TMEM154: variants seen among roughly 807,000 people sequenced by gnomAD.
TMEM154 encodes transmembrane protein 154.
TMEM154 carries 27 observed loss-of-function variants against 24.5 expected under a neutral mutation model. The ratio of observed to expected loss-of-function variants is 1.10; its 90% CI spans 0.81 to 1.52. The LOEUF (loss-of-function observed/expected upper bound fraction) is 1.52, where lower values mean the gene tolerates loss of function less well. Ranked by LOEUF, TMEM154 falls within the 40% of genes most tolerant of loss-of-function variation. The probability of loss-of-function intolerance (pLI) is 0.00; values close to 1 mark genes in which losing one functional copy is unlikely to be tolerated. For synonymous variants in TMEM154, 67 were observed against 76.8 expected (o/e 0.87, Z 0.67); for missense variants, 228 against 213.4 (o/e 1.07, Z -0.43).
chr4:152,628,186 A>G lies in TMEM154; in HGVS notation c.*360T>C. 1 of 277,896 alleles carries G rather than the reference A, an allele frequency of 3.6e-6. No individual in the cohort carries two copies. Among genetic ancestry groups the G allele is most frequent in the East Asian group, 7.7e-5 (1 of 12,908 alleles). 17.2% of individuals were successfully genotyped at this position (277,896 alleles called of 1,614,324 possible). On this transcript the variant is annotated 3_prime_UTR_variant, in exon 7 of 7. Transcript: ENST00000304385. The stretch of plus-strand genomic sequence containing the variant: ...TTCCTGATTTAGGCCCTAAGGAATG[A>G]AGCAGAAAGGTGACGAACATTTATC...
chr4:152,671,794 C>G (rs1728845791), intron 1 of TMEM154, among the ~76,000 whole-genome samples: 1 of 149,238 alleles, frequency 6.7e-6, no homozygotes, highest in Non-Finnish European at 1.5e-5. Context: ...TAGGTGAGAG[C>G]CCACAGGAGT....
intron 6 of TMEM154, among the ~76,000 whole-genome samples, chr4:152,640,055 G>A (rs143484791): frequency 3.3e-4 from 51 of 152,316 alleles, no homozygotes; most frequent in Non-Finnish European, 6.3e-4. Context: ...ATTCCCTCGC[G>A]ATGCTCAGGC....
intron 1 of TMEM154, among the ~76,000 whole-genome samples, chr4:152,661,278 TTCTCTTTC>T (rs1160127842): frequency 5.0e-4 from 33 of 65,746 alleles, no homozygotes; most frequent in African/African-American, 1.7e-3. Context: ...CAAGGGATTG[TTCTCTTTC>T]TCTCTCTCTC....
Position 152,655,648 on chromosome 4 carries a change from G to A in TMEM154, c.65-2721C>T, listed in dbSNP as rs538906785. 1.2e-3 allele frequency among the ~76,000 whole-genome samples: 177 copies of A among 149,424 alleles called. 1 individual carries two copies. Among genetic ancestry groups the A allele is most frequent in the African/African-American group, 4.0e-3 (163 of 40,416 alleles). On this transcript the variant is annotated intron_variant, in intron 1 of 6. Transcript: ENST00000304385. ...CCTCCCCCCACCCCTGGCCAGCAGC[G>A]GGGCGCTCACACATGTTTATGTGCC... is the stretch of plus-strand genomic sequence containing the variant.
intron 1 of TMEM154, 143 bp from the exon 2 acceptor site, chr4:152,653,070 G>T: frequency 1.3e-6 from 1 of 777,378 alleles, no homozygotes; most frequent in Non-Finnish European, 2.0e-6. Flanking sequence ...GTGTGACACA[G>T]AACATTGATT....
At chr4:152,647,127 C>A (rs1027211707) in intron 3 of TMEM154, 79 of 1,457,208 alleles carry the variant, frequency 5.4e-5, no homozygotes, top group Non-Finnish European at 7.0e-5. Context: ...CAAGTCCTCT[C>A]CCATTGTCAA....
intron 6 of TMEM154, among the ~76,000 whole-genome samples, chr4:152,632,343 A>C (rs961569118): frequency 6.6e-6 from 1 of 152,198 alleles, no homozygotes; most frequent in Admixed American, 6.5e-5. Context: ...CTTGCTATGA[A>C]ATGTTAATTC....
intron 6 of TMEM154, among the ~76,000 whole-genome samples, chr4:152,629,432 G>A (rs539447620): frequency 3.9e-4 from 60 of 152,348 alleles, no homozygotes; most frequent in African/African-American, 1.3e-3. Context: ...ATTTGAACAT[G>A]ACCATGCTGT....
chr4:152,630,100 G>A (rs1752006416), intron 6 of TMEM154, among the ~76,000 whole-genome samples: 1 of 151,994 alleles, frequency 6.6e-6, no homozygotes, highest in African/African-American at 2.4e-5. Flanking sequence ...GATTGCTTGA[G>A]TCCAGGAGTT....
intron 6 of TMEM154, among the ~76,000 whole-genome samples, chr4:152,639,313 T>C (rs1266461377): frequency 6.6e-6 from 1 of 152,190 alleles, no homozygotes; most frequent in Non-Finnish European, 1.5e-5. Flanking sequence ...GCTTCTTCCA[T>C]GTTGCCAACA....
chr4:152,672,090 TAA>T (rs11290618), intron 1 of TMEM154, among the ~76,000 whole-genome samples: 3,734 of 101,958 alleles, frequency 0.037, 130 homozygotes, highest in African/African-American at 0.12. Context: ...CCTATCTCTA[TAA>T]AAAAAAAAAA....
intron 5 of TMEM154, 31 bp from the exon 6 acceptor site, chr4:152,641,016 A>T (rs1440255783): frequency 3.1e-6 from 5 of 1,594,378 alleles, no homozygotes; most frequent in Non-Finnish European, 4.3e-6. Context: ...ACTCATTGTT[A>T]GTTACTGAAA....
In TMEM154 at chr4:152,675,284, A is replaced by G. The variant is rs971062709; in HGVS notation, c.64+4586T>C. ...ATGTTTAAAATAATGACATAAAAGA[A>G]GGAATAAATAACACAAGGGAAAAAA... On this transcript the variant is annotated intron_variant, in intron 1 of 6. Transcript: ENST00000304385. Among the ~76,000 whole-genome samples the G allele has an allele frequency of 1.8e-4, 10 of 55,654 alleles. No individual in the cohort carries two copies. The Admixed American group carries it at 2.2e-3, about 12-fold the overall frequency. 36.5% of individuals were successfully genotyped at this position (55,654 alleles called of 152,430 possible). A position where few individuals can be genotyped will look rare whatever the true frequency, so the allele number is the denominator to read the frequency against.
At chr4:152,642,791 A>C (rs1752282989) in intron 5 of TMEM154, among the ~76,000 whole-genome samples, 1 of 152,248 alleles carries the variant, frequency 6.6e-6, no homozygotes, top group South Asian at 2.1e-4. Flanking sequence ...AGGTAATGCC[A>C]GATGCTAACT....
At chr4:152,665,939 C>T (rs62320823) in intron 1 of TMEM154, among the ~76,000 whole-genome samples, 3,623 of 152,098 alleles carry the variant, frequency 0.024, 73 homozygotes, top group Middle Eastern at 0.037. Context: ...AGACGTGCGC[C>T]ACCACGCCTG....
At chr4:152,662,392 T>C (rs2149787792) in intron 1 of TMEM154, among the ~76,000 whole-genome samples, 1 of 152,080 alleles carries the variant, frequency 6.6e-6, no homozygotes. Context: ...GGGGATCAGC[T>C]CCAAGAGTTT....
At chr4:152,663,630 A>G (rs1728660135) in intron 1 of TMEM154, among the ~76,000 whole-genome samples, 1 of 152,226 alleles carries the variant, frequency 6.6e-6, no homozygotes, top group African/African-American at 2.4e-5. Context: ...CCGCAACACA[A>G]ACTCTCCCAG....
chr4:152,653,713 G>C (rs975217050), intron 1 of TMEM154, among the ~76,000 whole-genome samples: 1 of 151,932 alleles, frequency 6.6e-6, no homozygotes, highest in Admixed American at 6.6e-5. Flanking sequence ...TAAATAAAAG[G>C]TTACCTATCA....
chr4:152,679,135 T>C (rs1021299707), intron 1 of TMEM154, among the ~76,000 whole-genome samples: 3 of 152,190 alleles, frequency 2.0e-5, no homozygotes, highest in Non-Finnish European at 2.9e-5. Flanking sequence ...AGGGTGTAAA[T>C]CAGTTGTTGC....
Sources: allele counts gnomAD v4.1 joint callset (sites outside exome capture counted in the v4.1 genomes callset), GRCh38; gene constraint gnomAD v4.1.1; transcripts MANE v1.5; gene names NCBI Gene and HGNC (gene_info 2026-07-23, HGNC 2026-07-21).